Variants in ADGRF1 observed in about 807,000 individuals in gnomAD.
ADGRF1 encodes G protein-coupled receptor 110.
ADGRF1 carries 85 observed loss-of-function variants against 87.2 expected under a neutral mutation model. The observed-to-expected ratio is 0.97, with a 90% CI of 0.82 to 1.17. The LOEUF (loss-of-function observed/expected upper bound fraction) is 1.17. ADGRF1 is among the 50% of genes most tolerant of loss of function. The pLI, the probability that ADGRF1 is intolerant of heterozygous loss-of-function variation, is 0.00. For missense variants in ADGRF1, 1,169 were observed against 1,077.2 expected, an observed-to-expected ratio of 1.09 and a Z score of -1.19; for synonymous variants, 430 against 408.8, an observed-to-expected ratio of 1.05 and a Z score of -0.63.
At chr6:47,034,776 G>T (rs1224820474) in intron 1 of ADGRF1, among the ~76,000 whole-genome samples, 1 of 152,092 alleles carries the variant, frequency 6.6e-6, no homozygotes, top group African/African-American at 2.4e-5. Flanking sequence ...GACTGGTTGT[G>T]CCTTCAGAGT....
intron 7 of ADGRF1, chr6:47,018,383 C>A (rs541182184): frequency 3.3e-5 from 42 of 1,265,876 alleles, no homozygotes; most frequent in Non-Finnish European, 3.9e-5. Context: ...ACTAATTGAT[C>A]GGAAGTTCCG....
chr6:47,025,087 G>A (rs980734159), intron 4 of ADGRF1, among the ~76,000 whole-genome samples: 1 of 152,220 alleles, frequency 6.6e-6, no homozygotes, highest in East Asian at 1.9e-4. Flanking sequence ...AGTTTCTCTA[G>A]TAGCAATCCT....
intron 1 of ADGRF1, among the ~76,000 whole-genome samples, chr6:47,041,628 G>A (rs1404464462): frequency 6.6e-6 from 1 of 152,168 alleles, no homozygotes; most frequent in Non-Finnish European, 1.5e-5. Flanking sequence ...GGAAGTAGCA[G>A]GAGAAATGGT....
At chr6:47,039,421 C>T (rs1407195008) in intron 1 of ADGRF1, among the ~76,000 whole-genome samples, 1 of 152,204 alleles carries the variant, frequency 6.6e-6, no homozygotes, top group Non-Finnish European at 1.5e-5. Context: ...TATGAATTTT[C>T]ATTCTCAACA....
At chr6:47,004,582 G>A (rs1244198696) in intron 13 of ADGRF1, among the ~76,000 whole-genome samples, 2 of 152,106 alleles carry the variant, frequency 1.3e-5, no homozygotes, top group East Asian at 3.9e-4. Flanking sequence ...CTGCTTTGCA[G>A]GGTGGGGAGT....
chr6:47,012,201 A>G lies in ADGRF1; in HGVS notation c.928-6T>C. 1.2e-6 allele frequency: 2 copies of G among 1,603,624 alleles called. No homozygotes were observed. The highest frequency in any genetic ancestry group is 8.5e-7 in the Non-Finnish European group (1 of 1,171,018). ...CCTACAATCATACTGAAATTCTAGA[A>G]GCGAAAATGGTTAAGTTCTAGAAAA... On this transcript the variant is annotated splice_region_variant and splice_polypyrimidine_tract_variant and intron_variant, in intron 9 of 14. Transcript: ENST00000371253.
Position 47,015,029 on chromosome 6 carries a change from T to A in ADGRF1, c.764-185A>T, listed in dbSNP as rs1417933869. Among the ~76,000 whole-genome samples, 3 of 152,194 alleles carry A rather than the reference T, an allele frequency of 2.0e-5. No homozygotes were observed. In the South Asian group the frequency reaches 6.2e-4, roughly 32 times the overall value. On this transcript the variant is annotated intron_variant, in intron 8 of 14. Coordinates refer to ENST00000371253, the MANE Select transcript of ADGRF1 (RefSeq NM_153840.4). ...CATCCCTCTCAACATTCCTTACTCA[T>A]TCCTGATGCCTTACCCTCCCTGAGG...
At position 47,016,680 on chromosome 6, in the gene ADGRF1, C is replaced by G. The variant is rs779403929; in HGVS notation, c.700G>C (p.Ala234Pro). 5.0e-6 allele frequency: 8 copies of G among 1,611,640 alleles called. No homozygotes were observed. The highest frequency in any genetic ancestry group is 6.8e-6 in the Non-Finnish European group (8 of 1,178,248). The change falls in exon 8 of 15, where the codon GCT becomes CCT. Residue 234 changes from alanine (A) to proline (P), a missense_variant. By Grantham distance (27) the Ala-to-Pro change is conservative. Coordinates refer to ENST00000371253, the MANE Select transcript of ADGRF1 (RefSeq NM_153840.4). Reference sequence around the variant, plus strand: ...AACAGCTTGTGAAGGGCTGTCTTAGCCTTCTCGGCAACATGTTCAATGGCT... The same window carrying G: ...AACAGCTTGTGAAGGGCTGTCTTAGGCTTCTCGGCAACATGTTCAATGGCT... ...LSAIEHVAEK[A>P]KTALHKLFPL...
At chr6:47,040,789 T>A (rs1057153256) in intron 1 of ADGRF1, among the ~76,000 whole-genome samples, 5 of 152,216 alleles carry the variant, frequency 3.3e-5, no homozygotes, top group African/African-American at 1.2e-4. Context: ...ATGTGTTCAT[T>A]TACTTTTTTA....
chr6:47,011,839 T>C (rs1005048990), intron 10 of ADGRF1, among the ~76,000 whole-genome samples, 168 bp downstream of exon 10: 1 of 152,204 alleles, frequency 6.6e-6, no homozygotes, highest in Non-Finnish European at 1.5e-5. Context: ...GAACACACAC[T>C]ATTGATCCCG....
At chr6:47,008,854 T>C (rs1273268009) in intron 11 of ADGRF1, 91 bp downstream of exon 11, 4 of 1,061,782 alleles carry the variant, frequency 3.8e-6, no homozygotes, top group East Asian at 2.4e-5. Context: ...GGCAGGGAGA[T>C]GAGATAATCT....
Position 47,010,236 on chromosome 6 carries a change from G to T in ADGRF1, c.1199C>A (p.Ala400Asp). 2 of 1,613,848 alleles carry T rather than the reference G, an allele frequency of 1.2e-6. No homozygotes were observed. Among genetic ancestry groups the T allele is most frequent in the Non-Finnish European group, 8.5e-7 (1 of 1,179,890 alleles). The change falls in exon 11 of 15, where the codon GCC becomes GAC. Residue 400 changes from alanine (A) to aspartate (D), a missense_variant. Transcript: ENST00000371253. Reference sequence around the variant, plus strand: ...TAATGTCTCTAGTAACCGTGAGCTGGCATACTTTTCTTCCCGCAGTAAGAC... The same window carrying T: ...TAATGTCTCTAGTAACCGTGAGCTGTCATACTTTTCTTCCCGCAGTAAGAC... The part of the protein sequence containing the change: ...WTVLLREEKY[A>D]SSRLLETLEN...
At chr6:47,019,224 C>T in intron 7 of ADGRF1, 1 of 860,168 alleles carries the variant, frequency 1.2e-6, no homozygotes, top group South Asian at 5.4e-5. Context: ...AAACAAGGAT[C>T]ACAGAAAAGA....
In ADGRF1 at chr6:47,038,183, A is replaced by G. The variant is rs569069596; in HGVS notation, c.-44+4008T>C. Among the ~76,000 whole-genome samples the G allele has an allele frequency of 4.7e-4, 72 of 152,336 alleles. No individual in the cohort carries two copies. The South Asian group carries it at 0.015, about 32-fold the overall frequency. On this transcript the variant is annotated intron_variant, in intron 1 of 14. Transcript: ENST00000371253. ...GCCGAAGAATGTGTTTTCTATAAAA[A>G]GATTGGAAAACATTCTTCTACATTT... is the stretch of plus-strand genomic sequence containing the variant.
chr6:47,018,060 T>C (rs1248020601), intron 7 of ADGRF1: 3 of 195,600 alleles, frequency 1.5e-5, no homozygotes, highest in South Asian at 9.5e-5. Flanking sequence ...AAATAAGTTA[T>C]AGGTTAGGAA....
intron 1 of ADGRF1, among the ~76,000 whole-genome samples, chr6:47,031,283 T>C (rs1373259734): frequency 3.3e-5 from 5 of 151,568 alleles, no homozygotes; most frequent in Non-Finnish European, 7.4e-5. Context: ...TCTCTCTCTC[T>C]CTCTCTCTCT....
At position 47,022,007 on chromosome 6, in the gene ADGRF1, T is replaced by C. The variant is rs1263017926; in HGVS notation, c.503A>G (p.Asn168Ser). ...TTTGGAGTATATAGCAGAAGATGAA[T>C]TCAAAAGGTCATTTGTAAACCTTTC... ...INERFTNDLLNSSSAIYSKYA... is the reference protein window; with the variant it reads ...INERFTNDLLSSSSAIYSKYA... Residue 168 changes from asparagine to serine, a missense_variant, in exon 6 of 15, where the codon AAT becomes AGT. Asn to Ser is a conservative substitution (Grantham distance 46). Transcript: ENST00000371253. The C allele has an allele frequency of 3.1e-6, 5 of 1,593,580 alleles. No individual in the cohort carries two copies. Among genetic ancestry groups the C allele is most frequent in the East Asian group, 4.5e-5 (2 of 44,350 alleles).
intron 10 of ADGRF1, 111 bp downstream of exon 10, chr6:47,011,896 G>T (rs1383552378): frequency 8.7e-6 from 8 of 915,740 alleles, no homozygotes; most frequent in Admixed American, 2.6e-5. Flanking sequence ...ACATAAAGAC[G>T]CATACATGGC....
In ADGRF1 at chr6:47,011,996, G is replaced by C. The variant is rs768467417; in HGVS notation, c.1116+11C>G. 6.2e-7 allele frequency: 1 copy of C among 1,608,688 alleles called. No individual in the cohort carries two copies. Among genetic ancestry groups the C allele is most frequent in the Admixed American group, 1.7e-5 (1 of 59,942 alleles). The stretch of plus-strand genomic sequence containing the variant: ...TTTAAAGTGAGCCCTTCAAGCACAG[G>C]CAGACCATACCTCCATTGTTGAATT... On this transcript the variant is annotated intron_variant, in intron 10 of 14. Coordinates refer to ENST00000371253, the MANE Select transcript of ADGRF1 (RefSeq NM_153840.4).
Sources: gnomAD v4.1 joint callset for allele counts (sites outside exome capture counted in the v4.1 genomes callset) on GRCh38, gnomAD v4.1.1 for gene constraint, MANE v1.5 for transcripts, NCBI Gene and HGNC (gene_info 2026-07-23, HGNC 2026-07-21) for gene names.